The following ATRNL1 variants were observed in gnomAD, a reference collection of about 807,000 sequenced individuals.
The protein encoded by ATRNL1 is attractin like 1, also known as attractin-like protein 1.
In ATRNL1, 95 loss-of-function variants were observed where a neutral mutation model predicts 182.7. The observed-to-expected ratio is 0.52, with a 90% CI of 0.44 to 0.62. The LOEUF (loss-of-function observed/expected upper bound fraction) is 0.62, where lower values mean the gene tolerates loss of function less well. Ranked by LOEUF, ATRNL1 falls within the 20% of genes least tolerant of loss-of-function variation. The pLI is 0.00. For synonymous variants in ATRNL1, 576 were observed against 568.3 expected (o/e 1.01, Z -0.19); for missense variants, 1,471 against 1,679.5 (o/e 0.88, Z 2.17).
intron 20 of ATRNL1, among the ~76,000 whole-genome samples, chr10:115,406,717 G>A (rs1365159815): frequency 6.6e-6 from 1 of 151,934 alleles, no homozygotes; most frequent in African/African-American, 2.4e-5. Context: ...TTTTTCTGCT[G>A]GATTCTCCTT....
At chr10:115,331,303 G>A (rs1190057460) in intron 18 of ATRNL1, among the ~76,000 whole-genome samples, 1 of 152,156 alleles carries the variant, frequency 6.6e-6, no homozygotes, top group Non-Finnish European at 1.5e-5. Flanking sequence ...CTTGTGATCT[G>A]TCTGCCTCAG....
intron 8 of ATRNL1, among the ~76,000 whole-genome samples, chr10:115,186,992 C>T (rs757360427): frequency 6.7e-4 from 102 of 151,724 alleles, no homozygotes; most frequent in Non-Finnish European, 1.2e-3. Flanking sequence ...ATAAAAATGG[C>T]CAACAGATGT....
At chr10:115,586,846 C>G (rs1390801449) in intron 26 of ATRNL1, among the ~76,000 whole-genome samples, 1 of 112,638 alleles carries the variant, frequency 8.9e-6, no homozygotes, top group Non-Finnish European at 2.0e-5. Context: ...TTTAGAGTTT[C>G]CAGTTTTTCT....
chr10:115,807,123 T>G (rs1949938342), intron 27 of ATRNL1, among the ~76,000 whole-genome samples: 1 of 150,880 alleles, frequency 6.6e-6, no homozygotes, highest in South Asian at 2.1e-4. Context: ...TTTTTTTTTC[T>G]TTGAGATGGA....
chr10:115,409,198 G>A (rs1565010728), intron 20 of ATRNL1, among the ~76,000 whole-genome samples: 1 of 151,954 alleles, frequency 6.6e-6, no homozygotes. Flanking sequence ...TGTGATTCGT[G>A]GGCATGAGAT....
intron 27 of ATRNL1, among the ~76,000 whole-genome samples, chr10:115,776,893 A>C (rs1393238222): frequency 1.3e-5 from 2 of 152,160 alleles, no homozygotes; most frequent in African/African-American, 4.8e-5. Context: ...GCGGCGGCTC[A>C]CACCTGTAAT....
At chr10:115,248,586 AT>A (rs1345764012) in intron 10 of ATRNL1, among the ~76,000 whole-genome samples, 1 of 152,046 alleles carries the variant, frequency 6.6e-6, no homozygotes, top group Non-Finnish European at 1.5e-5. Flanking sequence ...CTATAAAATA[AT>A]TTCGCCTACT....
At chr10:115,671,077 G>A (rs544570341) in intron 26 of ATRNL1, among the ~76,000 whole-genome samples, 37 of 152,222 alleles carry the variant, frequency 2.4e-4, no homozygotes, top group South Asian at 4.1e-4. Flanking sequence ...TAGGGAGAGG[G>A]ACAATGATTT....
intron 14 of ATRNL1, among the ~76,000 whole-genome samples, chr10:115,284,637 T>C (rs1852521063): frequency 6.6e-6 from 1 of 152,182 alleles, no homozygotes; most frequent in African/African-American, 2.4e-5. Context: ...GTCCATTTGG[T>C]GAAGACTAAT....
At chr10:115,756,033 T>C (rs1555071927) in intron 27 of ATRNL1, among the ~76,000 whole-genome samples, 1 of 152,182 alleles carries the variant, frequency 6.6e-6, no homozygotes, top group Non-Finnish European at 1.5e-5. Flanking sequence ...CATTTTTTAT[T>C]GTGTCTATTT....
At chr10:115,524,849 T>C (rs1440995830) in intron 25 of ATRNL1, among the ~76,000 whole-genome samples, 2 of 152,192 alleles carry the variant, frequency 1.3e-5, no homozygotes, top group Non-Finnish European at 2.9e-5. Flanking sequence ...TAAGAGGACA[T>C]GATGATATTT....
At chr10:115,532,791 A>G (rs570601412) in intron 25 of ATRNL1, among the ~76,000 whole-genome samples, 7,401 of 151,930 alleles carry the variant, frequency 0.049, 539 homozygotes, top group African/African-American at 0.17. Context: ...TTATTTTGAG[A>G]TACATCCCAT....
chr10:115,330,902 C>G (rs1426981424), intron 18 of ATRNL1, among the ~76,000 whole-genome samples: 2 of 151,882 alleles, frequency 1.3e-5, no homozygotes, highest in African/African-American at 4.8e-5. Flanking sequence ...TTTTTGAACA[C>G]TAATGATACA....
intron 26 of ATRNL1, among the ~76,000 whole-genome samples, chr10:115,620,154 A>C (rs1581904): frequency 0.48 from 73,215 of 152,024 alleles, 19,093 homozygotes; most frequent in East Asian, 0.84. Flanking sequence ...ACAATCATGG[A>C]AGAAGAGGAA....
At chr10:115,847,625 A>G (rs541397205) in intron 27 of ATRNL1, among the ~76,000 whole-genome samples, 1 of 152,246 alleles carries the variant, frequency 6.6e-6, no homozygotes, top group African/African-American at 2.4e-5. Context: ...AACAATTGGG[A>G]AAAAGGAACA....
chr10:115,273,202 T>C (rs1015690777), intron 13 of ATRNL1, among the ~76,000 whole-genome samples: 1 of 152,138 alleles, frequency 6.6e-6, no homozygotes, highest in African/African-American at 2.4e-5. Context: ...GCTGAGCCCA[T>C]GCATAATCTC....
chr10:115,656,528 G>A (rs1860343898), intron 26 of ATRNL1, among the ~76,000 whole-genome samples: 2 of 152,172 alleles, frequency 1.3e-5, no homozygotes, highest in Admixed American at 6.5e-5. Context: ...CAAAGGGATA[G>A]CATCCTGTCC....
chr10:115,660,354 G>C (rs1860605401), intron 26 of ATRNL1, among the ~76,000 whole-genome samples: 1 of 152,246 alleles, frequency 6.6e-6, no homozygotes, highest in South Asian at 2.1e-4. Context: ...TGAACTGTGA[G>C]CAAGTTTTGG....
At chr10:115,447,586 A>G (rs73371407) in intron 21 of ATRNL1, among the ~76,000 whole-genome samples, 7,385 of 151,906 alleles carry the variant, frequency 0.049, 541 homozygotes, top group African/African-American at 0.17. Context: ...CATATTTGAG[A>G]TTTATCAATG....
Sources: gnomAD v4.1 joint callset for allele counts (sites outside exome capture counted in the v4.1 genomes callset) on GRCh38, gnomAD v4.1.1 for gene constraint, MANE v1.5 for transcripts, NCBI Gene and HGNC (gene_info 2026-07-23, HGNC 2026-07-21) for gene names.